Variants in INPP5A observed in about 807,000 individuals in gnomAD.
INPP5A encodes the protein inositol polyphosphate-5-phosphatase A.
In INPP5A, 14 loss-of-function variants were observed where a neutral mutation model predicts 65.2. The observed-to-expected ratio is 0.21, with a 90% CI of 0.14 to 0.34. The LOEUF (loss-of-function observed/expected upper bound fraction) is 0.34. INPP5A is among the 10% of genes least tolerant of loss of function. The pLI, the probability that INPP5A is intolerant of heterozygous loss-of-function variation, is 1.00. For missense variants in INPP5A, 431 were observed against 545.6 expected (o/e 0.79, Z 2.09); for synonymous variants, 207 against 208.3 (o/e 0.99, Z 0.05).
At chr10:132,752,922 T>C (rs1341202553) in intron 11 of INPP5A, among the ~76,000 whole-genome samples, 1 of 152,156 alleles carries the variant, frequency 6.6e-6, no homozygotes. Flanking sequence ...GAAAACACGC[T>C]GTGGGGTTGA....
At chr10:132,657,765 C>T (rs969512997) in intron 4 of INPP5A, among the ~76,000 whole-genome samples, 1 of 152,256 alleles carries the variant, frequency 6.6e-6, no homozygotes, top group South Asian at 2.1e-4. Flanking sequence ...AAGGCAAACG[C>T]GTTTATGATG....
intron 2 of INPP5A, among the ~76,000 whole-genome samples, chr10:132,623,625 TAAAAG>T (rs1412353028): frequency 6.6e-6 from 1 of 152,116 alleles, no homozygotes; most frequent in African/African-American, 2.4e-5. Context: ...GCACAATTAA[TAAAAG>T]AAAAGAATTG....
chr10:132,705,544 T>TC lies in INPP5A; in HGVS notation c.475-2767dup, dbSNP rs1342360055. Among the ~76,000 whole-genome samples the TC allele has an allele frequency of 3.3e-5, 5 of 152,210 alleles. No homozygotes were observed. Among genetic ancestry groups the TC allele is most frequent in the Admixed American group, 3.3e-4 (5 of 15,288 alleles). On this transcript the variant is annotated intron_variant, in intron 6 of 15. Transcript: ENST00000368594. This position sits in a 1 kb window ranked among gnomAD's most constrained non-coding sequence, Gnocchi z 4.9. ...CGACGAGTAGAGCCATAGCCTGGCG[T>TC]CCAAGTGCGTGGCCAGGCCGGGAGG...
At chr10:132,652,071 T>TCTCC (rs2072585472) in intron 4 of INPP5A, among the ~76,000 whole-genome samples, 1 of 152,130 alleles carries the variant, frequency 6.6e-6, no homozygotes, top group African/African-American at 2.4e-5. Context: ...CCCTCCTCCC[T>TCTCC]ACCAGCTTCT....
intron 8 of INPP5A, among the ~76,000 whole-genome samples, chr10:132,725,415 C>T (rs916364840): frequency 1.3e-5 from 2 of 152,214 alleles, no homozygotes; most frequent in East Asian, 1.9e-4. Flanking sequence ...CTCTCCAACC[C>T]GAGGGTGGAG....
At chr10:132,669,110 A>G (rs1158787429) in intron 4 of INPP5A, among the ~76,000 whole-genome samples, 3 of 152,108 alleles carry the variant, frequency 2.0e-5, no homozygotes, top group African/African-American at 4.8e-5. Flanking sequence ...AAAATTAGCC[A>G]GGCGTGGTGG....
chr10:132,623,981 A>G (rs911469113), intron 2 of INPP5A, among the ~76,000 whole-genome samples: 1 of 152,222 alleles, frequency 6.6e-6, no homozygotes, highest in Non-Finnish European at 1.5e-5. Flanking sequence ...CTAAAATTCA[A>G]TTGGCTGTAA....
At chr10:132,756,786 G>T (rs1479383303) in intron 11 of INPP5A, among the ~76,000 whole-genome samples, 2 of 152,272 alleles carry the variant, frequency 1.3e-5, no homozygotes, top group African/African-American at 4.8e-5. Context: ...CCACGGAGAA[G>T]AAGGCGCCGT....
chr10:132,692,885 G>A (rs1291588159), intron 5 of INPP5A, among the ~76,000 whole-genome samples: 1 of 151,996 alleles, frequency 6.6e-6, no homozygotes, highest in Non-Finnish European at 1.5e-5. Context: ...AATAAGTGAA[G>A]GTAAAATGAA....
intron 1 of INPP5A, among the ~76,000 whole-genome samples, chr10:132,600,921 C>G (rs1383800144): frequency 2.6e-5 from 4 of 152,214 alleles, no homozygotes; most frequent in Non-Finnish European, 4.4e-5. Flanking sequence ...GTCCCTCCCA[C>G]AACACATGGG....
intron 4 of INPP5A, among the ~76,000 whole-genome samples, chr10:132,680,308 C>T (rs1590919757): frequency 6.6e-6 from 1 of 152,218 alleles, no homozygotes; most frequent in African/African-American, 2.4e-5. Flanking sequence ...AGGCGTCTTC[C>T]CTCCAAGGAC....
Position 132,741,161 on chromosome 10 carries a change from G to A in INPP5A, c.733-8356G>A, listed in dbSNP as rs1846263790. ...GGCGGGAGGATTGCTTGAGCCCGGA[G>A]GTCGAGGCTGCAGTGAGCCAGCCAT... On this transcript the variant is annotated intron_variant, in intron 9 of 15. Coordinates refer to ENST00000368594, the MANE Select transcript of INPP5A (RefSeq NM_005539.5). This position sits in a 1 kb window ranked among gnomAD's most constrained non-coding sequence, Gnocchi z 4.4. Among the ~76,000 whole-genome samples the A allele has an allele frequency of 6.6e-6, 1 of 152,182 alleles. No individual in the cohort carries two copies. The highest frequency in any genetic ancestry group is 1.5e-5 in the Non-Finnish European group (1 of 68,024).
chr10:132,572,512 G>C (rs778064482), intron 1 of INPP5A, among the ~76,000 whole-genome samples: 25 of 152,208 alleles, frequency 1.6e-4, no homozygotes, highest in Admixed American at 3.9e-4. Context: ...CTTTCCCTGG[G>C]AGGGATGCTG....
chr10:132,717,279 C>A (rs1435406632), intron 8 of INPP5A, among the ~76,000 whole-genome samples: 1 of 145,574 alleles, frequency 6.9e-6, no homozygotes, highest in African/African-American at 2.8e-5. Flanking sequence ...AGGTGCTGGC[C>A]CCTAAAGGGT....
At chr10:132,591,607 T>C (rs1167934578) in intron 1 of INPP5A, among the ~76,000 whole-genome samples, 2 of 152,266 alleles carry the variant, frequency 1.3e-5, no homozygotes, top group Non-Finnish European at 2.9e-5. Flanking sequence ...GGGCCTTCTC[T>C]TCCAGCAGGC....
intron 8 of INPP5A, among the ~76,000 whole-genome samples, chr10:132,723,451 C>T (rs559428531): frequency 2.8e-5 from 4 of 143,738 alleles, no homozygotes; most frequent in African/African-American, 5.5e-5. Context: ...GGGGATTGGC[C>T]GTGTGGGGAT....
At chr10:132,647,441 A>G (rs1193630242) in intron 3 of INPP5A, among the ~76,000 whole-genome samples, 1 of 152,186 alleles carries the variant, frequency 6.6e-6, no homozygotes, top group Admixed American at 6.5e-5. Flanking sequence ...TTTAATCAAA[A>G]TCTTAGCGGC....
At position 132,783,378 on chromosome 10, in the gene INPP5A, A is replaced by C. The variant is rs752595532; in HGVS notation, c.*1349A>C. 18 of 152,386 alleles carry C rather than the reference A, an allele frequency of 1.2e-4. No individual in the cohort carries two copies. Among genetic ancestry groups the C allele is most frequent in the Non-Finnish European group, 2.6e-4 (18 of 68,046 alleles). 9.4% of individuals were successfully genotyped at this position (152,386 alleles called of 1,614,324 possible). A position where few individuals can be genotyped will look rare whatever the true frequency, so the allele number is the denominator to read the frequency against. ...TGTGGTTGCCGCTGTCCGCGGTTCA[A>C]CACGGAGTCCGCCCCGCGGGTTTCA... is the stretch of plus-strand genomic sequence containing the variant. On this transcript the variant is annotated 3_prime_UTR_variant, in exon 16 of 16. Transcript: ENST00000368594.
intron 12 of INPP5A, among the ~76,000 whole-genome samples, chr10:132,766,884 G>C (rs1180889173): frequency 6.8e-6 from 1 of 147,884 alleles, no homozygotes; most frequent in African/African-American, 2.5e-5. Context: ...GTGGGAGCTG[G>C]AGGATGCGGC....
Sources: gnomAD v4.1 joint callset for allele counts (sites outside exome capture counted in the v4.1 genomes callset) on GRCh38, gnomAD v4.1.1 for gene constraint, Gnocchi (gnomAD v3.1) non-coding constraint, MANE v1.5 for transcripts, NCBI Gene and HGNC (gene_info 2026-07-23, HGNC 2026-07-21) for gene names.